Variants in ITPRIPL2 observed in about 807,000 individuals in gnomAD.
ITPRIPL2 encodes inositol 1,4,5-trisphosphate receptor-interacting protein-like 2.
Under a neutral mutation model 31.7 loss-of-function variants are expected in ITPRIPL2, and 29 were observed. That is an observed-to-expected ratio of 0.91 (90% confidence interval 0.68 to 1.25). ITPRIPL2 has a LOEUF of 1.25. Among genes scored for constraint, ITPRIPL2 ranks in the 50% most tolerant of loss-of-function variants. ITPRIPL2 has a pLI of 0.00. For missense variants in ITPRIPL2, 696 were observed against 739.1 expected (o/e 0.94, Z 0.68); for synonymous variants, 344 against 343.4 (o/e 1.00, Z -0.02).
Position 19,114,459 on chromosome 16 carries a change from G to T in ITPRIPL2, c.-3G>T. On this transcript the variant is annotated 5_prime_UTR_variant, in exon 1 of 1. Coordinates refer to ENST00000381440, the MANE Select transcript of ITPRIPL2 (RefSeq NM_001034841.4). ...TCGGCCACCGCCGCCCCGGGCGCCC[G>T]GCATGTCGGTGCACTACACCCTCAA... 2 of 1,391,236 alleles carry T rather than the reference G, an allele frequency of 1.4e-6. No homozygotes were observed. Among genetic ancestry groups the T allele is most frequent in the Middle Eastern group, 3.8e-4 (2 of 5,264 alleles). 86.2% of individuals were successfully genotyped at this position (1,391,236 alleles called of 1,614,324 possible).
In ITPRIPL2 at chr16:19,115,710, C is replaced by T. The variant is rs774527060; in HGVS notation, c.1249C>T (p.Arg417Cys). 7 of 1,612,820 alleles carry T rather than the reference C, an allele frequency of 4.3e-6. No individual in the cohort carries two copies. Among genetic ancestry groups the T allele is most frequent in the Non-Finnish European group, 5.1e-6 (6 of 1,179,956 alleles). The stretch of plus-strand genomic sequence containing the variant: ...GACAGTGCTGCTGGCAGTGCTGCTG[C>T]GCAAGGGGGCCCCTGGGCAAGGCTG... Reference protein sequence around the residue: ...LKTVLLAVLLRKGAPGQGWDE... With the variant: ...LKTVLLAVLLCKGAPGQGWDE... The change falls in exon 1 of 1, where the codon CGC becomes TGC. Residue 417 changes from arginine to cysteine, a missense_variant. Physicochemically the swap from Arg to Cys is radical, Grantham distance 180. Coordinates refer to ENST00000381440, the MANE Select transcript of ITPRIPL2 (RefSeq NM_001034841.4).
rs894707160 is a variant in ITPRIPL2, at chr16:19,120,040, A to C, written c.*3971A>C. The C allele has an allele frequency of 1.2e-5, 2 of 166,938 alleles. No homozygotes were observed. Among genetic ancestry groups the C allele is most frequent in the Non-Finnish European group, 2.9e-5 (2 of 68,098 alleles). 10.3% of individuals were successfully genotyped at this position (166,938 alleles called of 1,614,324 possible). A position where few individuals can be genotyped will look rare whatever the true frequency, so the allele number is the denominator to read the frequency against. Reference sequence around the variant, plus strand: ...GATTGGTGGCTAGATTTGGGGTGCAAGCTTCTTAGGCTCATACCATTTCAA... The same window carrying C: ...GATTGGTGGCTAGATTTGGGGTGCACGCTTCTTAGGCTCATACCATTTCAA... On this transcript the variant is annotated 3_prime_UTR_variant, in exon 1 of 1. Coordinates refer to ENST00000381440, the MANE Select transcript of ITPRIPL2 (RefSeq NM_001034841.4).
chr16:19,114,394 C>A lies in ITPRIPL2; in HGVS notation c.-68C>A. On this transcript the variant is annotated 5_prime_UTR_variant, in exon 1 of 1. It adds an upstream start codon to the 5' untranslated region. Transcript: ENST00000381440. ...GGGCTGCCCGGGCGCTGTGCGCATG[C>A]TGGGCTTGGGTCGCCGCCGGGGCTT... The A allele has an allele frequency of 1.6e-6, 2 of 1,222,616 alleles. No individual in the cohort carries two copies. The highest frequency in any genetic ancestry group is 2.1e-6 in the Non-Finnish European group (2 of 965,354). The allele number at this position is 1,222,616 out of a possible 1,614,324, so 75.7% of individuals were successfully genotyped here.
rs576669159 is a variant in ITPRIPL2 at position 19,119,044 on chromosome 16, G to GA, written c.*2979dup. Reference sequence around the variant, plus strand: ...ATTAGTTGTCCAGCCAGTGCTGGAGGAAAATGTTTCTGGGGAAGATGACTC... The same window carrying GA: ...ATTAGTTGTCCAGCCAGTGCTGGAGGAAAAATGTTTCTGGGGAAGATGACTC... On this transcript the variant is annotated 3_prime_UTR_variant, in exon 1 of 1. Coordinates refer to ENST00000381440, the MANE Select transcript of ITPRIPL2 (RefSeq NM_001034841.4). 2.9e-3 allele frequency: 1,212 copies of GA among 413,516 alleles called. 4 individuals are homozygous for GA. Among genetic ancestry groups the GA allele is most frequent in the Admixed American group, 5.1e-3 (117 of 22,742 alleles). The allele number at this position is 413,516 out of a possible 1,614,324, so 25.6% of individuals were successfully genotyped here. A position where few individuals can be genotyped will look rare whatever the true frequency, so the allele number is the denominator to read the frequency against.
In ITPRIPL2 at chr16:19,117,271, T is replaced by A. The variant is rs1263997947; in HGVS notation, c.*1202T>A. 1 of 167,160 alleles carries A rather than the reference T, an allele frequency of 6.0e-6. No homozygotes were observed. Among genetic ancestry groups the A allele is most frequent in the Non-Finnish European group, 1.5e-5 (1 of 68,144 alleles). 10.4% of individuals were successfully genotyped at this position (167,160 alleles called of 1,614,324 possible). A position where few individuals can be genotyped will look rare whatever the true frequency, so the allele number is the denominator to read the frequency against. On this transcript the variant is annotated 3_prime_UTR_variant, in exon 1 of 1. Coordinates refer to ENST00000381440, the MANE Select transcript of ITPRIPL2 (RefSeq NM_001034841.4). ...GTCTTACGTGGTCCAAGAGACCTGT[T>A]GATTCAGCACAGGTCTTGCAAAACA... is the stretch of plus-strand genomic sequence containing the variant.
rs1963393798 is a variant in ITPRIPL2, at chr16:19,113,968, C to T, written c.-494C>T. 2 of 388,760 alleles carry T rather than the reference C, an allele frequency of 5.1e-6. No homozygotes were observed. Among genetic ancestry groups the T allele is most frequent in the Admixed American group, 8.9e-5 (2 of 22,478 alleles). 24.1% of individuals were successfully genotyped at this position (388,760 alleles called of 1,614,324 possible). ...GCGGAGGCCCGGGAGGGGGCCGACC[C>T]GGCTCGCCAGCTCCACGCTCGGCTC... On this transcript the variant is annotated 5_prime_UTR_variant, in exon 1 of 1. Coordinates refer to ENST00000381440, the MANE Select transcript of ITPRIPL2 (RefSeq NM_001034841.4).
Position 19,115,363 on chromosome 16 carries a change from G to A in ITPRIPL2, c.902G>A (p.Cys301Tyr), listed in dbSNP as rs1963425764. The change falls in exon 1 of 1, where the codon TGC (cysteine) becomes TAC (tyrosine). Residue 301 changes from cysteine to tyrosine, a missense_variant. Coordinates refer to ENST00000381440, the MANE Select transcript of ITPRIPL2 (RefSeq NM_001034841.4). ...ILPCRTDYGC[C>Y]RLSMAVRLIP... ...CCCTGCCGCACTGACTACGGCTGCT[G>A]CCGCCTTTCTATGGCTGTGCGTCTC... 6.2e-7 allele frequency: 1 copy of A among 1,613,236 alleles called. No homozygotes were observed.
Position 19,115,412 on chromosome 16 carries a change from T to C in ITPRIPL2, c.951T>C (p.Asp317=). The C allele has an allele frequency of 6.2e-7, 1 of 1,612,026 alleles. No homozygotes were observed. The highest frequency in any genetic ancestry group is 8.5e-7 in the Non-Finnish European group (1 of 1,179,984). The change falls in exon 1 of 1, where the codon GAT becomes GAC. Residue 317 remains aspartate, a synonymous_variant. Coordinates refer to ENST00000381440, the MANE Select transcript of ITPRIPL2 (RefSeq NM_001034841.4). ...VRLIPAVHLG[D]GVFLVAPPPP... ...TCATCCCCGCTGTCCATCTGGGAGA[T>C]GGGGTCTTCCTTGTGGCGCCACCAC...
In ITPRIPL2 at chr16:19,117,183, T is replaced by C. The variant is rs999222028; in HGVS notation, c.*1114T>C. On this transcript the variant is annotated 3_prime_UTR_variant, in exon 1 of 1. Coordinates refer to ENST00000381440, the MANE Select transcript of ITPRIPL2 (RefSeq NM_001034841.4). The stretch of plus-strand genomic sequence containing the variant: ...AATGAGCTAATGAAGAGGAAATGCC[T>C]GCTGCTTAGCATGTGGTTTGTGCTG... The C allele has an allele frequency of 6.0e-6, 1 of 167,172 alleles. No homozygotes were observed. Among genetic ancestry groups the C allele is most frequent in the African/African-American group, 2.4e-5 (1 of 41,480 alleles). The allele number at this position is 167,172 out of a possible 1,614,324, so 10.4% of individuals were successfully genotyped here.
In ITPRIPL2 at chr16:19,115,794, C is replaced by T; in HGVS notation, c.1333C>T (p.Leu445=). The change falls in exon 1 of 1, where the codon CTG becomes TTG. Residue 445 remains leucine, a synonymous_variant. Transcript: ENST00000381440. The stretch of plus-strand genomic sequence containing the variant: ...GTTGGTGCAGTTCCTTAGGGACTGC[C>T]TGCTGCGACGCCATACGCTCTTCCA... The part of the protein sequence containing the change: ...EELVQFLRDC[L]LRRHTLFHCV... 1 of 1,613,028 alleles carries T rather than the reference C, an allele frequency of 6.2e-7. No homozygotes were observed. Among genetic ancestry groups the T allele is most frequent in the Non-Finnish European group, 8.5e-7 (1 of 1,179,988 alleles).
In ITPRIPL2 at chr16:19,115,052, A is replaced by C; in HGVS notation, c.591A>C (p.Pro197=). ...AGCCACGGAGCCTGGGCGAGGAGCCAGCGCTGGCCCCGGCCTTCCGCGGCT... is the reference window on the plus strand; with the variant it reads ...AGCCACGGAGCCTGGGCGAGGAGCCCGCGCTGGCCCCGGCCTTCCGCGGCT... ...ALEPRSLGEE[P]ALAPAFRGCF... Residue 197 remains proline, a synonymous_variant, in exon 1 of 1, where the codon CCA becomes CCC. Transcript: ENST00000381440. 6.3e-7 allele frequency: 1 copy of C among 1,597,934 alleles called. No homozygotes were observed. Among genetic ancestry groups the C allele is most frequent in the Non-Finnish European group, 8.5e-7 (1 of 1,178,964 alleles).
rs1963490707 is a variant in ITPRIPL2, at chr16:19,119,769, A to C, written c.*3700A>C. 1 of 166,924 alleles carries C rather than the reference A, an allele frequency of 6.0e-6. No homozygotes were observed. Among genetic ancestry groups the C allele is most frequent in the African/African-American group, 2.4e-5 (1 of 41,376 alleles). The allele number at this position is 166,924 out of a possible 1,614,324, so 10.3% of individuals were successfully genotyped here. A position where few individuals can be genotyped will look rare whatever the true frequency, so the allele number is the denominator to read the frequency against. On this transcript the variant is annotated 3_prime_UTR_variant, in exon 1 of 1. Transcript: ENST00000381440. Reference sequence around the variant, plus strand: ...CACAGCCATAGATAACACTTAACTCACAGTTCCCAGGAGGACACTTGATCT... The same window carrying C: ...CACAGCCATAGATAACACTTAACTCCCAGTTCCCAGGAGGACACTTGATCT...
At position 19,114,122 on chromosome 16, in the gene ITPRIPL2, A is replaced by G. The variant is rs934087353; in HGVS notation, c.-340A>G. 7.6e-6 allele frequency: 3 copies of G among 392,334 alleles called. No individual in the cohort carries two copies. The highest frequency in any genetic ancestry group is 4.4e-5 in the Admixed American group (1 of 22,504). 24.3% of individuals were successfully genotyped at this position (392,334 alleles called of 1,614,324 possible). A position where few individuals can be genotyped will look rare whatever the true frequency, so the allele number is the denominator to read the frequency against. ...GGCGGGAGAGCCAGGAGGGCCGCCC[A>G]GGGTAGGAGGCGAGCCAGGCCGGGC... is the stretch of plus-strand genomic sequence containing the variant. On this transcript the variant is annotated 5_prime_UTR_variant, in exon 1 of 1. Transcript: ENST00000381440.
rs57703523 is a variant in ITPRIPL2, at chr16:19,120,602, A to AATATATATATATATATATAT, written c.*4538_*4557dup. 1.0e-4 allele frequency: 11 copies of AATATATATATATATATATAT among 106,066 alleles called. No homozygotes were observed. Among genetic ancestry groups the AATATATATATATATATATAT allele is most frequent in the African/African-American group, 2.1e-4 (5 of 24,218 alleles). 6.6% of individuals were successfully genotyped at this position (106,066 alleles called of 1,614,324 possible). A position where few individuals can be genotyped will look rare whatever the true frequency, so the allele number is the denominator to read the frequency against. On this transcript the variant is annotated 3_prime_UTR_variant, in exon 1 of 1. Transcript: ENST00000381440. ...CAGGCACCTGCCACCACGCCTGGCT[A>AATATATATATATATATATAT]ATATATATATATATATATATATATT...
chr16:19,118,808 A>G lies in ITPRIPL2; in HGVS notation c.*2739A>G, dbSNP rs963332663. 7 of 409,212 alleles carry G rather than the reference A, an allele frequency of 1.7e-5. No homozygotes were observed. Among genetic ancestry groups the G allele is most frequent in the Non-Finnish European group, 3.1e-5 (7 of 223,978 alleles). 25.3% of individuals were successfully genotyped at this position (409,212 alleles called of 1,614,324 possible). A position where few individuals can be genotyped will look rare whatever the true frequency, so the allele number is the denominator to read the frequency against. ...CAATGTTTAGTAAACCAAAACATGT[A>G]CTGTGTACAACGGAAATAATATGGC... is the stretch of plus-strand genomic sequence containing the variant. On this transcript the variant is annotated 3_prime_UTR_variant, in exon 1 of 1. Transcript: ENST00000381440.
chr16:19,117,270 T>G lies in ITPRIPL2; in HGVS notation c.*1201T>G, dbSNP rs140655316. On this transcript the variant is annotated 3_prime_UTR_variant, in exon 1 of 1. Coordinates refer to ENST00000381440, the MANE Select transcript of ITPRIPL2 (RefSeq NM_001034841.4). Reference sequence around the variant, plus strand: ...AGTCTTACGTGGTCCAAGAGACCTGTTGATTCAGCACAGGTCTTGCAAAAC... The same window carrying G: ...AGTCTTACGTGGTCCAAGAGACCTGGTGATTCAGCACAGGTCTTGCAAAAC... 6.0e-6 allele frequency: 1 copy of G among 167,164 alleles called. No individual in the cohort carries two copies. Among genetic ancestry groups the G allele is most frequent in the Non-Finnish European group, 1.5e-5 (1 of 68,150 alleles). 10.4% of individuals were successfully genotyped at this position (167,164 alleles called of 1,614,324 possible).
chr16:19,114,518 G>C lies in ITPRIPL2; in HGVS notation c.57G>C (p.Leu19=). ...LRVFWPLVTG[L]CTALVCLYHV... The stretch of plus-strand genomic sequence containing the variant: ...TCTTCTGGCCCCTGGTGACCGGCCT[G>C]TGCACCGCCCTGGTGTGCCTCTACC... Residue 19 remains leucine, a synonymous_variant, in exon 1 of 1, where the codon CTG becomes CTC. Transcript: ENST00000381440. 2.0e-6 allele frequency: 3 copies of C among 1,473,182 alleles called. No homozygotes were observed. The highest frequency in any genetic ancestry group is 2.7e-6 in the Non-Finnish European group (3 of 1,112,174). 91.3% of individuals were successfully genotyped at this position (1,473,182 alleles called of 1,614,324 possible).
Position 19,116,234 on chromosome 16 carries a change from A to G in ITPRIPL2, c.*165A>G, listed in dbSNP as rs747681485. ...CTTAAATATCACCTTCTCGCTTCAC[A>G]GTCCAGTATAATATGACATCTTCAC... On this transcript the variant is annotated 3_prime_UTR_variant, in exon 1 of 1. Transcript: ENST00000381440. 1.5e-6 allele frequency: 1 copy of G among 659,664 alleles called. No individual in the cohort carries two copies. Among genetic ancestry groups the G allele is most frequent in the Non-Finnish European group, 2.6e-6 (1 of 382,702 alleles). The allele number at this position is 659,664 out of a possible 1,614,324, so 40.9% of individuals were successfully genotyped here. A position where few individuals can be genotyped will look rare whatever the true frequency, so the allele number is the denominator to read the frequency against.
At position 19,115,317 on chromosome 16, in the gene ITPRIPL2, C is replaced by A. The variant is rs141346235; in HGVS notation, c.856C>A (p.Pro286Thr). The change falls in exon 1 of 1, where the codon CCC becomes ACC. Residue 286 changes from proline to threonine, a missense_variant. Pro to Thr is a conservative substitution (Grantham distance 38). Transcript: ENST00000381440. ...CTTGACCCCAGGTGGCCTGGAACAG[C>A]CCCCCACCTTACACATCTTGCCCTG... The part of the protein sequence containing the change: ...VTLTPGGLEQ[P>T]PTLHILPCRT... 39 of 1,613,206 alleles carry A rather than the reference C, an allele frequency of 2.4e-5. No individual in the cohort carries two copies. In the East Asian group the frequency reaches 8.2e-4, roughly 34 times the overall value.
Sources: gnomAD v4.1 joint callset for allele counts on GRCh38, gnomAD v4.1.1 for gene constraint, MANE v1.5 for transcripts, NCBI Gene and HGNC (gene_info 2026-07-23, HGNC 2026-07-21) for gene names.